SCHIP1: variants seen among roughly 807,000 people sequenced by gnomAD.
SCHIP1 encodes the protein schwannomin-interacting protein 1.
SCHIP1 carries 8 observed loss-of-function variants against 29.7 expected under a neutral mutation model. That is an observed-to-expected ratio of 0.27 (90% CI 0.16 to 0.49). The LOEUF (loss-of-function observed/expected upper bound fraction) is 0.49. SCHIP1 is among the 20% of genes least tolerant of loss of function. The pLI is 0.99. For missense variants in SCHIP1, 193 were observed against 294.6 expected (o/e 0.66, Z 2.52); for synonymous variants, 76 against 94.9 (o/e 0.80, Z 1.16).
At chr3:159,794,257 AAG>A in the SCHIP1 span, among the ~76,000 whole-genome samples, 1 of 152,208 alleles carries the variant, frequency 6.6e-6, no homozygotes, top group African/African-American at 2.4e-5. Flanking sequence ...TCTGATGGGT[AAG>A]AGAGGAAGAT....
At chr3:159,277,905 C>T in the SCHIP1 span, among the ~76,000 whole-genome samples, 1 of 151,072 alleles carries the variant, frequency 6.6e-6, no homozygotes, top group African/African-American at 2.4e-5. Context: ...ACGAGCAAAA[C>T]TCCGTCTCAA....
the SCHIP1 span, among the ~76,000 whole-genome samples, chr3:159,285,603 A>C: frequency 6.6e-6 from 1 of 151,834 alleles, no homozygotes; most frequent in Non-Finnish European, 1.5e-5. Context: ...TTTGTTTCTC[A>C]TATCAATTAT....
chr3:159,548,657 G>T, the SCHIP1 span, among the ~76,000 whole-genome samples: 101 of 151,482 alleles, frequency 6.7e-4, no homozygotes, highest in African/African-American at 2.3e-3. Context: ...GTTTACTTAC[G>T]CTTTCACCTG....
At chr3:159,527,769 TGAG>T in the SCHIP1 span, among the ~76,000 whole-genome samples, 4 of 152,192 alleles carry the variant, frequency 2.6e-5, no homozygotes, top group Non-Finnish European at 4.4e-5. Context: ...GGGTTTTAAT[TGAG>T]GAGGGTAAGT....
the SCHIP1 span, among the ~76,000 whole-genome samples, chr3:159,586,750 C>G: frequency 6.6e-6 from 1 of 152,104 alleles, no homozygotes; most frequent in Non-Finnish European, 1.5e-5. Flanking sequence ...CTTTTCTCTG[C>G]AGACCCCATG....
At chr3:159,346,166 C>T in the SCHIP1 span, among the ~76,000 whole-genome samples, 1 of 137,036 alleles carries the variant, frequency 7.3e-6, no homozygotes, top group Admixed American at 7.9e-5. Flanking sequence ...CCAGCCTGGG[C>T]AAGAGAATGA....
At chr3:159,392,383 C>A in the SCHIP1 span, among the ~76,000 whole-genome samples, 6 of 152,016 alleles carry the variant, frequency 3.9e-5, no homozygotes, top group Admixed American at 2.6e-4. Flanking sequence ...CATATGTATA[C>A]AAGTGCCATG....
the SCHIP1 span, among the ~76,000 whole-genome samples, chr3:159,320,617 T>C: frequency 0.014 from 2,000 of 145,042 alleles, 37 homozygotes; most frequent in African/African-American, 0.047. Context: ...CTTTTTTTTT[T>C]CCCCCTGTTA....
the SCHIP1 span, among the ~76,000 whole-genome samples, chr3:159,774,824 T>G: frequency 6.6e-6 from 1 of 152,244 alleles, no homozygotes; most frequent in Admixed American, 6.5e-5. Flanking sequence ...ATTTTCCAAT[T>G]ATTGCCACTT....
the SCHIP1 span, among the ~76,000 whole-genome samples, chr3:159,649,091 C>A: frequency 6.6e-6 from 1 of 152,110 alleles, no homozygotes; most frequent in African/African-American, 2.4e-5. Flanking sequence ...GATTAGATAT[C>A]TGGCTTTTGT....
the SCHIP1 span, among the ~76,000 whole-genome samples, chr3:159,377,833 A>T: frequency 1.3e-5 from 2 of 152,212 alleles, no homozygotes; most frequent in African/African-American, 4.8e-5. Context: ...GGGGTGCACA[A>T]CCACAAAAAG....
chr3:159,515,436 T>G, the SCHIP1 span, among the ~76,000 whole-genome samples: 2 of 152,230 alleles, frequency 1.3e-5, no homozygotes, highest in Non-Finnish European at 2.9e-5. Flanking sequence ...GAGCACAGCT[T>G]CTGGTTTAAA....
intron 4 of SCHIP1, 58 bp from the exon 6 acceptor site, chr3:159,888,762 C>T (rs1265274049): frequency 2.1e-5 from 33 of 1,590,270 alleles, no homozygotes; most frequent in Non-Finnish European, 2.7e-5. Flanking sequence ...TGGGTCTTAA[C>T]GTTCAGTGTG....
chr3:159,339,883 A>G, the SCHIP1 span, among the ~76,000 whole-genome samples: 1 of 152,142 alleles, frequency 6.6e-6, no homozygotes, highest in Non-Finnish European at 1.5e-5. Flanking sequence ...CTCAAAATTT[A>G]ATGTGTTGCA....
chr3:159,845,127 C>T (rs772736875), intron 1 of SCHIP1, among the ~76,000 whole-genome samples: 5 of 152,216 alleles, frequency 3.3e-5, no homozygotes, highest in African/African-American at 1.2e-4. Flanking sequence ...TTTACTCCTG[C>T]CTTCACAGTG....
chr3:159,423,109 A>C, the SCHIP1 span, among the ~76,000 whole-genome samples: 1 of 152,240 alleles, frequency 6.6e-6, no homozygotes, highest in Non-Finnish European at 1.5e-5. Context: ...GCTCCAGTCT[A>C]CAGCTCCCAG....
chr3:159,774,864 A>G, the SCHIP1 span, among the ~76,000 whole-genome samples: 1 of 152,226 alleles, frequency 6.6e-6, no homozygotes, highest in Non-Finnish European at 1.5e-5. Flanking sequence ...ATGCCTCTGT[A>G]TCTCCACCCA....
chr3:159,428,718 A>G, the SCHIP1 span, among the ~76,000 whole-genome samples: 2,752 of 151,784 alleles, frequency 0.018, 89 homozygotes, highest in African/African-American at 0.064. Flanking sequence ...AGGACTATAA[A>G]TCATGCTGCT....
chr3:159,530,363 A>T, the SCHIP1 span, among the ~76,000 whole-genome samples: 1 of 152,222 alleles, frequency 6.6e-6, no homozygotes, highest in East Asian at 1.9e-4. Context: ...AGTCCTGAGG[A>T]AGAGCTGCTG....
Sources: allele counts gnomAD v4.1 joint callset (sites outside exome capture counted in the v4.1 genomes callset), GRCh38; gene constraint gnomAD v4.1.1; transcripts MANE v1.5; gene names NCBI Gene and HGNC (gene_info 2026-07-23, HGNC 2026-07-21).